The following NBEAL1 variants were observed in gnomAD, a reference collection of about 807,000 sequenced individuals.
NBEAL1 encodes neurobeachin-like protein 1.
NBEAL1 carries 273 observed loss-of-function variants against 351.3 expected under a neutral mutation model. That is an observed-to-expected ratio of 0.78 (90% confidence interval 0.70 to 0.86). NBEAL1 has a LOEUF of 0.86. Ranked by LOEUF, NBEAL1 falls within the 40% of genes least tolerant of loss-of-function variation. The pLI is 0.00. For missense variants in NBEAL1, 2,961 were observed against 3,201.3 expected (o/e 0.92, Z 1.81); for synonymous variants, 1,050 against 1,086.4 (o/e 0.97, Z 0.66).
intron 12 of NBEAL1, among the ~76,000 whole-genome samples, chr2:203,104,563 A>G (rs1296821457): frequency 2.0e-5 from 3 of 152,166 alleles, no homozygotes; most frequent in African/African-American, 4.8e-5. Context: ...TAATCTGTGC[A>G]TATTTGATCC....
At chr2:203,023,487 T>C (rs2060801206) in intron 2 of NBEAL1, among the ~76,000 whole-genome samples, 1 of 152,232 alleles carries the variant, frequency 6.6e-6, no homozygotes, top group African/African-American at 2.4e-5. Context: ...TTTTAAATTC[T>C]TTCCTTTTGA....
chr2:203,065,910 C>G (rs1345443293), intron 6 of NBEAL1, among the ~76,000 whole-genome samples: 1 of 152,134 alleles, frequency 6.6e-6, no homozygotes, highest in Non-Finnish European at 1.5e-5. Context: ...AATAATGGAG[C>G]AATTAACTAT....
chr2:203,124,997 C>T (rs193133138), intron 19 of NBEAL1, among the ~76,000 whole-genome samples: 179 of 152,078 alleles, frequency 1.2e-3, no homozygotes, highest in African/African-American at 4.2e-3. Context: ...ATTGTTTATT[C>T]TCTTGTTTAT....
At chr2:203,095,912 A>G (rs1021116724) in intron 10 of NBEAL1, among the ~76,000 whole-genome samples, 3 of 151,806 alleles carry the variant, frequency 2.0e-5, no homozygotes, top group Non-Finnish European at 2.9e-5. Flanking sequence ...AGCTGGGACT[A>G]CAGGCTAGTT....
In NBEAL1 at chr2:203,050,217, T is replaced by G. The variant is rs553211073; in HGVS notation, c.305+242T>G. The G allele has an allele frequency of 2.0e-5, 6 of 293,138 alleles. No individual in the cohort carries two copies. In the South Asian group the frequency reaches 9.8e-4, roughly 48 times the overall value. 18.2% of individuals were successfully genotyped at this position (293,138 alleles called of 1,614,324 possible). On this transcript the variant is annotated intron_variant, in intron 4 of 55. Coordinates refer to ENST00000683969, the MANE Select transcript of NBEAL1 (RefSeq NM_001378026.1). ...CATTCTGCATACATATCCCAGAACT[T>G]TAATAAATTAAGTAAATAAAAAAGA... is the stretch of plus-strand genomic sequence containing the variant.
rs6704959 is a variant in NBEAL1 at position 203,223,799 on chromosome 2, G to A, written c.*6445G>A. Among the ~76,000 whole-genome samples the A allele has an allele frequency of 0.44, 66,765 of 151,750 alleles. 16,843 individuals carry two copies. The highest frequency in any genetic ancestry group is 0.66 in the Middle Eastern group (195 of 294). On this transcript the variant is annotated 3_prime_UTR_variant, in exon 56 of 56. Transcript: ENST00000683969. The stretch of plus-strand genomic sequence containing the variant: ...AGCAACATGTTTTACAATTTAGTGG[G>A]ATGAACCTACAAATTCATAAATGCT...
rs1204953374 is a variant in NBEAL1, at chr2:203,221,010, A to G, written c.*3656A>G. 6.6e-6 allele frequency among the ~76,000 whole-genome samples: 1 copy of G among 152,180 alleles called. No individual in the cohort carries two copies. The highest frequency in any genetic ancestry group is 1.5e-5 in the Non-Finnish European group (1 of 68,014). On this transcript the variant is annotated 3_prime_UTR_variant, in exon 56 of 56. Coordinates refer to ENST00000683969, the MANE Select transcript of NBEAL1 (RefSeq NM_001378026.1). ...TCTCTATTTAGGGCATATTAAAATTATCCTTCAGAGTACTTGTATTGAAAA... is the reference window on the plus strand; with the variant it reads ...TCTCTATTTAGGGCATATTAAAATTGTCCTTCAGAGTACTTGTATTGAAAA...
chr2:203,149,748 T>C (rs1253955422), intron 34 of NBEAL1, among the ~76,000 whole-genome samples: 2 of 152,144 alleles, frequency 1.3e-5, no homozygotes, highest in Non-Finnish European at 2.9e-5. Flanking sequence ...TCCCACTCCC[T>C]AGCAACCACC....
At chr2:203,118,668 T>G (rs1397195889) in intron 18 of NBEAL1, among the ~76,000 whole-genome samples, 1 of 151,684 alleles carries the variant, frequency 6.6e-6, no homozygotes, top group African/African-American at 2.4e-5. Flanking sequence ...CTTGGCTCAC[T>G]GCAGCCTCTG....
intron 2 of NBEAL1, among the ~76,000 whole-genome samples, chr2:203,035,156 G>A (rs935632757): frequency 7.4e-5 from 11 of 149,020 alleles, no homozygotes; most frequent in Admixed American, 6.8e-4. Flanking sequence ...AAGGTTAGTG[G>A]GTGTTATGAG....
At chr2:203,033,291 C>T (rs183116165) in intron 2 of NBEAL1, among the ~76,000 whole-genome samples, 97 of 152,330 alleles carry the variant, frequency 6.4e-4, no homozygotes, top group African/African-American at 1.4e-3. Context: ...TGAGCCACCG[C>T]GCCCAGCCAG....
rs1280500517 is a variant in NBEAL1 at position 203,113,159 on chromosome 2, G to A, written c.2347G>A (p.Gly783Arg). 3 of 1,552,020 alleles carry A rather than the reference G, an allele frequency of 1.9e-6. No homozygotes were observed. The highest frequency in any genetic ancestry group is 2.4e-5 in the South Asian group (2 of 83,996). ...GGILSSASWG[G>R]TIEKSKLITK... ...AATTCTGTCATCAGCCTCCTGGGGA[G>A]GAACAATTGAAAAATCAAAATTGAT... The change falls in exon 17 of 56, where the codon GGA becomes AGA. Residue 783 changes from glycine to arginine, a missense_variant. Coordinates refer to ENST00000683969, the MANE Select transcript of NBEAL1 (RefSeq NM_001378026.1).
At chr2:203,211,337 A>G (rs1163280467) in intron 54 of NBEAL1, among the ~76,000 whole-genome samples, 1 of 152,134 alleles carries the variant, frequency 6.6e-6, no homozygotes, top group African/African-American at 2.4e-5. Context: ...TATATATTTT[A>G]CCGCAATTAA....
intron 10 of NBEAL1, among the ~76,000 whole-genome samples, chr2:203,097,269 G>A (rs1438643985): frequency 6.6e-6 from 1 of 152,164 alleles, no homozygotes; most frequent in Non-Finnish European, 1.5e-5. Flanking sequence ...GACATTCTCT[G>A]CTGATTCTTT....
In NBEAL1 at chr2:203,220,934, C is replaced by G. The variant is rs1294457094; in HGVS notation, c.*3580C>G. The stretch of plus-strand genomic sequence containing the variant: ...CATCCTTTTGTAGAAGAAAAAATAC[C>G]AAGTGTTCATTCTGTCATTAGCAAG... On this transcript the variant is annotated 3_prime_UTR_variant, in exon 56 of 56. Transcript: ENST00000683969. Among the ~76,000 whole-genome samples, 2 of 152,028 alleles carry G rather than the reference C, an allele frequency of 1.3e-5. No homozygotes were observed. The highest frequency in any genetic ancestry group is 4.8e-5 in the African/African-American group (2 of 41,388).
chr2:203,158,441 A>G (rs1441651015), intron 36 of NBEAL1, among the ~76,000 whole-genome samples: 1 of 152,236 alleles, frequency 6.6e-6, no homozygotes, highest in African/African-American at 2.4e-5. Context: ...CCTCTGCAAG[A>G]AGAAACAGAT....
chr2:203,172,908 T>G (rs1406545794), intron 41 of NBEAL1, 55 bp downstream of exon 41: 2 of 1,511,500 alleles, frequency 1.3e-6, no homozygotes, highest in Middle Eastern at 3.6e-4. Flanking sequence ...GAATTTGTAT[T>G]GATTTTTTAC....
chr2:203,095,364 G>A (rs887017197), intron 10 of NBEAL1, among the ~76,000 whole-genome samples: 5 of 151,220 alleles, frequency 3.3e-5, no homozygotes. Flanking sequence ...GCTCGATCTC[G>A]GCTCACCGCA....
intron 12 of NBEAL1, among the ~76,000 whole-genome samples, chr2:203,106,485 C>T (rs144239964): frequency 3.2e-4 from 48 of 152,148 alleles, no homozygotes; most frequent in African/African-American, 1.0e-3. Context: ...AGTTGCTGTA[C>T]GATGGAAACC....
Sources: gnomAD v4.1 joint callset for allele counts (sites outside exome capture counted in the v4.1 genomes callset) on GRCh38, gnomAD v4.1.1 for gene constraint, MANE v1.5 for transcripts, NCBI Gene and HGNC (gene_info 2026-07-23, HGNC 2026-07-21) for gene names.